LAMA2: variants seen among roughly 807,000 people sequenced by gnomAD.
The protein encoded by LAMA2 is laminin subunit alpha 2.
In LAMA2, 269 loss-of-function variants were observed where a neutral mutation model predicts 364.8. The observed-to-expected ratio is 0.74, with a 90% CI of 0.67 to 0.82. The LOEUF (loss-of-function observed/expected upper bound fraction) is 0.82. Ranked by LOEUF, LAMA2 falls within the 40% of genes least tolerant of loss-of-function variation. The probability of loss-of-function intolerance (pLI) is 0.00; values close to 1 mark genes in which losing one functional copy is unlikely to be tolerated. For missense variants in LAMA2, 3,807 were observed against 3,873.2 expected, an observed-to-expected ratio of 0.98 and a Z score of 0.45; for synonymous variants, 1,379 against 1,370.6, an observed-to-expected ratio of 1.01 and a Z score of -0.14.
chr6:129,181,244 A>C (rs1780907024), intron 10 of LAMA2, among the ~76,000 whole-genome samples: 1 of 152,120 alleles, frequency 6.6e-6, no homozygotes, highest in Non-Finnish European at 1.5e-5. Context: ...TCACAAAGCA[A>C]GTAAAGTACA....
chr6:129,301,317 A>G (rs1258887448), intron 22 of LAMA2, among the ~76,000 whole-genome samples: 1 of 152,170 alleles, frequency 6.6e-6, no homozygotes, highest in Non-Finnish European at 1.5e-5. Context: ...TTGGAAAATA[A>G]TCATTTTTTC....
chr6:129,488,692 G>T (rs1241440198), intron 56 of LAMA2, among the ~76,000 whole-genome samples: 1 of 152,152 alleles, frequency 6.6e-6, no homozygotes, highest in African/African-American at 2.4e-5. Context: ...ACTGAACTCT[G>T]TGCCAAAACA....
At chr6:129,311,139 T>C (rs1432669775) in intron 22 of LAMA2, among the ~76,000 whole-genome samples, 1 of 152,018 alleles carries the variant, frequency 6.6e-6, no homozygotes, top group African/African-American at 2.4e-5. Context: ...TTTTTTTTTT[T>C]TAGACAGAGC....
At chr6:129,476,584 T>C (rs1784076796) in intron 53 of LAMA2, among the ~76,000 whole-genome samples, 1 of 152,182 alleles carries the variant, frequency 6.6e-6, no homozygotes, top group Non-Finnish European at 1.5e-5. Flanking sequence ...TTTGGAATGG[T>C]TCTTTGTGTT....
chr6:129,353,220 G>A lies in LAMA2; in HGVS notation c.4580G>A (p.Cys1527Tyr). ...PGNPGGSCQE[C>Y]ECDPYGSLPV... ...AACCCTGGAGGCTCCTGCCAAGAAT[G>A]TGAGTGTGATCCCTATGGCTCACTG... The change falls in exon 32 of 65, where the codon TGT (cysteine) becomes TAT (tyrosine). Residue 1527 changes from cysteine to tyrosine, a missense_variant. Transcript: ENST00000421865. The A allele has an allele frequency of 5.6e-6, 9 of 1,614,148 alleles. No individual in the cohort carries two copies. Among genetic ancestry groups the A allele is most frequent in the Non-Finnish European group, 5.1e-6 (6 of 1,180,008 alleles).
intron 12 of LAMA2, among the ~76,000 whole-genome samples, chr6:129,239,176 T>C (rs1785225288): frequency 6.6e-6 from 1 of 152,206 alleles, no homozygotes; most frequent in Non-Finnish European, 1.5e-5. Flanking sequence ...TACTGTTATA[T>C]TGTTTTGATT....
chr6:128,888,609 T>C (rs1211978028), intron 1 of LAMA2, among the ~76,000 whole-genome samples: 1 of 152,178 alleles, frequency 6.6e-6, no homozygotes, highest in East Asian at 1.9e-4. Flanking sequence ...CACTTGAAGA[T>C]GACGTGGGAG....
intron 49 of LAMA2, 129 bp downstream of exon 49, chr6:129,460,453 A>T: frequency 1.0e-6 from 1 of 956,010 alleles, no homozygotes; most frequent in Non-Finnish European, 1.7e-6. Context: ...TCAGAGGTGG[A>T]ATTACCACAA....
chr6:129,280,206 C>A, intron 18 of LAMA2, 59 bp downstream of exon 18: 1 of 1,036,812 alleles, frequency 9.6e-7, no homozygotes, highest in Non-Finnish European at 1.5e-6. Context: ...TATAAAACCG[C>A]AGATACAATC....
At chr6:129,458,163 G>A (rs1262437198) in intron 48 of LAMA2, among the ~76,000 whole-genome samples, 1 of 152,080 alleles carries the variant, frequency 6.6e-6, no homozygotes, top group Non-Finnish European at 1.5e-5. Flanking sequence ...TTTGAACATA[G>A]GTTAATAGGC....
chr6:129,374,409 C>A (rs1320722080), intron 34 of LAMA2, among the ~76,000 whole-genome samples: 1 of 152,090 alleles, frequency 6.6e-6, no homozygotes, highest in Non-Finnish European at 1.5e-5. Context: ...TACCAGGAGC[C>A]CTATCTCACA....
At chr6:129,286,993 A>G (rs1196467113) in intron 18 of LAMA2, among the ~76,000 whole-genome samples, 1 of 98,332 alleles carries the variant, frequency 1.0e-5, no homozygotes, top group South Asian at 3.5e-4. Flanking sequence ...GGAAGGAAGG[A>G]AGGGAGGAAA....
chr6:129,111,754 C>A (rs780078640), intron 4 of LAMA2, among the ~76,000 whole-genome samples: 1 of 151,872 alleles, frequency 6.6e-6, no homozygotes, highest in Admixed American at 6.6e-5. Flanking sequence ...CTTTTCTTTA[C>A]CAAATTAGTA....
chr6:129,513,605 T>C (rs556821376), intron 63 of LAMA2, among the ~76,000 whole-genome samples: 1 of 152,378 alleles, frequency 6.6e-6, no homozygotes, highest in South Asian at 2.1e-4. Flanking sequence ...TCTTTTCTTT[T>C]ACCTTGTCGA....
At chr6:129,439,319 C>T (rs1311788217) in intron 42 of LAMA2, among the ~76,000 whole-genome samples, 1 of 151,972 alleles carries the variant, frequency 6.6e-6, no homozygotes, top group African/African-American at 2.4e-5. Context: ...ATCCAACTCT[C>T]CAAGGTTGGT....
chr6:129,367,737 A>C (rs907241036), intron 33 of LAMA2, among the ~76,000 whole-genome samples: 6 of 152,264 alleles, frequency 3.9e-5, no homozygotes, highest in Non-Finnish European at 7.3e-5. Context: ...AAGAATAACT[A>C]ACATTTATTG....
chr6:129,151,559 C>T (rs781008639), intron 7 of LAMA2, among the ~76,000 whole-genome samples: 6 of 152,052 alleles, frequency 3.9e-5, no homozygotes, highest in Non-Finnish European at 5.9e-5. Flanking sequence ...AGATACTACC[C>T]GAGACTGGGT....
chr6:129,280,163 A>C lies in LAMA2; in HGVS notation c.2537+16A>C. 6.7e-7 allele frequency: 1 copy of C among 1,488,178 alleles called. No homozygotes were observed. Among genetic ancestry groups the C allele is most frequent in the South Asian group, 1.1e-5 (1 of 88,488 alleles). The allele number at this position is 1,488,178 out of a possible 1,614,324, so 92.2% of individuals were successfully genotyped here. The stretch of plus-strand genomic sequence containing the variant: ...GCTGTGAGAGGTAAGAGTATACTAC[A>C]CTGTCTTGCAAAATGATTTCTACCT... On this transcript the variant is annotated intron_variant, in intron 18 of 64. Transcript: ENST00000421865.
chr6:129,194,294 C>T (rs941307152), intron 12 of LAMA2, among the ~76,000 whole-genome samples: 3 of 151,922 alleles, frequency 2.0e-5, no homozygotes, highest in African/African-American at 4.8e-5. Flanking sequence ...TATATGATGG[C>T]AACACTTAAT....
Sources: gnomAD v4.1 joint callset for allele counts (sites outside exome capture counted in the v4.1 genomes callset) on GRCh38, gnomAD v4.1.1 for gene constraint, MANE v1.5 for transcripts, NCBI Gene and HGNC (gene_info 2026-07-23, HGNC 2026-07-21) for gene names.